FTCDNL1: variants seen among roughly 807,000 people sequenced by gnomAD.
FTCDNL1 encodes formiminotransferase cyclodeaminase N-terminal like, also known as formiminotransferase N-terminal subdomain-containing protein.
Under a neutral mutation model 5.9 loss-of-function variants are expected in FTCDNL1, and 11 were observed. The observed-to-expected ratio is 1.87, with a 90% CI of 1.18 to 3.10. The LOEUF (loss-of-function observed/expected upper bound fraction) is 3.10, where lower values mean the gene tolerates loss of function less well. FTCDNL1 is among the 30% of genes most tolerant of loss of function. The pLI, the probability that FTCDNL1 is intolerant of heterozygous loss-of-function variation, is 0.00. For missense variants in FTCDNL1, 115 were observed against 65.5 expected (o/e 1.76, Z -2.61); for synonymous variants, 58 against 24.8 (o/e 2.34, Z -3.99).
the FTCDNL1 span, among the ~76,000 whole-genome samples, chr2:199,674,315 C>T: frequency 6.6e-6 from 1 of 152,100 alleles, no homozygotes; most frequent in Non-Finnish European, 1.5e-5. Context: ...AGAGGGGAGA[C>T]AACCCCATGA....
chr2:199,784,184 G>T (rs1699519624), intron 3 of FTCDNL1, among the ~76,000 whole-genome samples: 2 of 152,100 alleles, frequency 1.3e-5, no homozygotes, highest in Non-Finnish European at 2.9e-5. Flanking sequence ...AGGACTTCTT[G>T]GTGATTATCC....
intron 3 of FTCDNL1, among the ~76,000 whole-genome samples, chr2:199,783,122 T>C (rs113280460): frequency 0.014 from 2,109 of 152,330 alleles, 40 homozygotes; most frequent in African/African-American, 0.048. Context: ...TCAGGGAGCC[T>C]GGTTCTGAAG....
intron 3 of FTCDNL1, among the ~76,000 whole-genome samples, chr2:199,841,476 T>A (rs565847172): frequency 6.6e-6 from 1 of 152,146 alleles, no homozygotes; most frequent in Non-Finnish European, 1.5e-5. Context: ...TAGATCTACA[T>A]CTCACCTGAG....
At chr2:199,715,688 G>A in the FTCDNL1 span, among the ~76,000 whole-genome samples, 2 of 152,150 alleles carry the variant, frequency 1.3e-5, 1 homozygote, top group Non-Finnish European at 2.9e-5. Flanking sequence ...GCAACCCTAT[G>A]AGGTGCAGAG....
the FTCDNL1 span, among the ~76,000 whole-genome samples, chr2:199,663,915 G>A: frequency 6.6e-6 from 1 of 151,896 alleles, no homozygotes; most frequent in Non-Finnish European, 1.5e-5. Context: ...GATATAAATT[G>A]ATGCCAGTCA....
the FTCDNL1 span, among the ~76,000 whole-genome samples, chr2:199,714,185 C>G: frequency 6.6e-6 from 1 of 152,188 alleles, no homozygotes; most frequent in Non-Finnish European, 1.5e-5. Flanking sequence ...ATTTATGTCT[C>G]ATGCCTACTT....
intron 3 of FTCDNL1, among the ~76,000 whole-genome samples, chr2:199,792,678 G>A (rs1420996181): frequency 1.3e-5 from 2 of 152,048 alleles, no homozygotes; most frequent in African/African-American, 4.8e-5. Context: ...CTGCAAACCT[G>A]ACAGCATTTC....
intron 3 of FTCDNL1, among the ~76,000 whole-genome samples, chr2:199,787,891 T>C (rs1228002948): frequency 6.6e-6 from 1 of 152,204 alleles, no homozygotes; most frequent in African/African-American, 2.4e-5. Flanking sequence ...GAACACGTAC[T>C]TTTCCGAGGA....
At chr2:199,829,302 A>G (rs1702222544) in intron 3 of FTCDNL1, among the ~76,000 whole-genome samples, 1 of 152,156 alleles carries the variant, frequency 6.6e-6, no homozygotes, top group Admixed American at 6.5e-5. Flanking sequence ...AAATACTGAA[A>G]TGCTTTTTAA....
chr2:199,820,461 G>T (rs1198852880), intron 3 of FTCDNL1, among the ~76,000 whole-genome samples: 1 of 151,824 alleles, frequency 6.6e-6, no homozygotes, highest in African/African-American at 2.4e-5. Context: ...AAAAAGAAAA[G>T]AAAAAAATGA....
chr2:199,837,896 C>G (rs1574670813), intron 3 of FTCDNL1, among the ~76,000 whole-genome samples: 1 of 152,142 alleles, frequency 6.6e-6, no homozygotes, highest in African/African-American at 2.4e-5. Flanking sequence ...AAGCAAGTTT[C>G]CATATCATTT....
chr2:199,774,220 G>A (rs1479231656), intron 3 of FTCDNL1, among the ~76,000 whole-genome samples: 1 of 152,172 alleles, frequency 6.6e-6, no homozygotes, highest in Non-Finnish European at 1.5e-5. Flanking sequence ...AATGCAACCA[G>A]CATTTTTGTC....
the FTCDNL1 span, among the ~76,000 whole-genome samples, chr2:199,711,882 A>T: frequency 6.6e-6 from 1 of 152,174 alleles, no homozygotes; most frequent in African/African-American, 2.4e-5. Context: ...ATGTTTAGTC[A>T]ATCCTCAGCC....
At chr2:199,749,380 T>G in the FTCDNL1 span, among the ~76,000 whole-genome samples, 1 of 152,206 alleles carries the variant, frequency 6.6e-6, no homozygotes, top group Non-Finnish European at 1.5e-5. Context: ...AAAAAGTTGG[T>G]AGCAATATCT....
rs868390519 is a variant in FTCDNL1, at chr2:199,779,437, G to A, written c.212-18602C>T. 1.6e-4 allele frequency among the ~76,000 whole-genome samples: 24 copies of A among 152,292 alleles called. No individual in the cohort carries two copies. In the Middle Eastern group the frequency reaches 0.01, roughly 65 times the overall value. On this transcript the variant is annotated intron_variant, in intron 3 of 3. Transcript: ENST00000416668. ...ACAAGTTATCTCAAAAGCAAATGGG[G>A]AAACAGAAAGCAAAATGGAAGACTG...
chr2:199,721,812 G>A, the FTCDNL1 span, among the ~76,000 whole-genome samples: 7 of 152,152 alleles, frequency 4.6e-5, no homozygotes, highest in South Asian at 2.1e-4. Context: ...TTTAATAATC[G>A]TCATTCTGAC....
the FTCDNL1 span, among the ~76,000 whole-genome samples, chr2:199,750,686 C>A: frequency 6.6e-6 from 1 of 152,166 alleles, no homozygotes; most frequent in Non-Finnish European, 1.5e-5. Flanking sequence ...CAGGTAGGGG[C>A]CCTGAAGACT....
chr2:199,843,952 G>GA (rs11363915), intron 3 of FTCDNL1, among the ~76,000 whole-genome samples: 17 of 148,104 alleles, frequency 1.1e-4, no homozygotes, highest in South Asian at 4.3e-4. Context: ...GGGAAAAAAG[G>GA]AAAAAAAAAA....
downstream of FTCDNL1, among the ~76,000 whole-genome samples, chr2:199,757,143 T>C (rs1698099574): frequency 6.6e-6 from 1 of 152,176 alleles, no homozygotes; most frequent in Non-Finnish European, 1.5e-5. Context: ...GATTTGTGCC[T>C]AAAAGGAAGG....
Sources: allele counts gnomAD v4.1 joint callset (sites outside exome capture counted in the v4.1 genomes callset), GRCh38; gene constraint gnomAD v4.1.1; transcripts MANE v1.5; gene names NCBI Gene and HGNC (gene_info 2026-07-23, HGNC 2026-07-21).